ABCA13: variants seen among roughly 807,000 people sequenced by gnomAD.
ABCA13 encodes the protein ATP binding cassette subfamily A member 13, also known as ATP-binding cassette sub-family A member 13.
ABCA13 carries 476 observed loss-of-function variants against 478.7 expected under a neutral mutation model. The observed-to-expected ratio is 0.99, with a 90% CI of 0.92 to 1.07. The LOEUF is 1.07. Ranked by LOEUF, ABCA13 falls within the 50% of genes least tolerant of loss-of-function variation. The pLI, the probability that ABCA13 is intolerant of heterozygous loss-of-function variation, is 0.00. For missense variants in ABCA13, 6,060 were observed against 5,910.6 expected, an observed-to-expected ratio of 1.03 and a Z score of -0.83; for synonymous variants, 2,252 against 2,158.9, an observed-to-expected ratio of 1.04 and a Z score of -1.20.
intron 15 of ABCA13, among the ~76,000 whole-genome samples, chr7:48,257,911 T>A (rs1354009875): frequency 6.6e-6 from 1 of 152,102 alleles, no homozygotes; most frequent in Non-Finnish European, 1.5e-5. Context: ...TTTGGTAGAA[T>A]TCACCTGTTG....
intron 45 of ABCA13, among the ~76,000 whole-genome samples, chr7:48,479,162 G>A (rs1391080125): frequency 1.3e-5 from 2 of 151,906 alleles, no homozygotes; most frequent in Non-Finnish European, 2.9e-5. Context: ...GTGTTAGCCA[G>A]GATGGTCTCG....
chr7:48,490,646 A>G (rs1362655664), intron 48 of ABCA13, among the ~76,000 whole-genome samples: 1 of 152,204 alleles, frequency 6.6e-6, no homozygotes, highest in Non-Finnish European at 1.5e-5. Flanking sequence ...TAACAATTAT[A>G]GTGTATGTTC....
At chr7:48,270,638 TA>T (rs1186656700) in intron 16 of ABCA13, among the ~76,000 whole-genome samples, 1 of 152,160 alleles carries the variant, frequency 6.6e-6, no homozygotes, top group African/African-American at 2.4e-5. Context: ...CATTCTGTCC[TA>T]AAAATAACAA....
rs767353123 is a variant in ABCA13 at position 48,391,965 on chromosome 7, T to C, written c.11699T>C (p.Ile3900Thr). ...CACCCTCCCACTTCTGGAACCATCA[T>C]CATCAATGGCAAGAACCTACAGACA... Reference protein sequence around the residue: ...GLHPPTSGTIIINGKNLQTDL... With the variant: ...GLHPPTSGTITINGKNLQTDL... The change falls in exon 38 of 62, where the codon ATC becomes ACC. Residue 3900 changes from isoleucine (I) to threonine (T), a missense_variant. Physicochemically the swap from Ile to Thr is moderately conservative, Grantham distance 89. Transcript: ENST00000435803. 1 of 1,613,962 alleles carries C rather than the reference T, an allele frequency of 6.2e-7. No homozygotes were observed. The highest frequency in any genetic ancestry group is 2.2e-5 in the East Asian group (1 of 44,850).
At chr7:48,637,957 T>G (rs1244963351) in intron 59 of ABCA13, among the ~76,000 whole-genome samples, 1 of 152,164 alleles carries the variant, frequency 6.6e-6, no homozygotes, top group Non-Finnish European at 1.5e-5. Flanking sequence ...TTCTTGGAGC[T>G]CTACTGTAAC....
chr7:48,293,374 G>T (rs1798861328), intron 20 of ABCA13, among the ~76,000 whole-genome samples: 1 of 152,190 alleles, frequency 6.6e-6, no homozygotes, highest in Admixed American at 6.5e-5. Context: ...CTTTGCAAGA[G>T]AAATTGACAG....
intron 31 of ABCA13, among the ~76,000 whole-genome samples, chr7:48,364,875 T>G (rs796506601): frequency 2.6e-5 from 4 of 152,220 alleles, no homozygotes; most frequent in African/African-American, 9.6e-5. Flanking sequence ...AACATGGGAG[T>G]GCACATATCT....
chr7:48,290,247 T>A (rs1425040332), intron 20 of ABCA13, among the ~76,000 whole-genome samples: 1 of 152,204 alleles, frequency 6.6e-6, no homozygotes, highest in Non-Finnish European at 1.5e-5. Flanking sequence ...TGGGCTAAGC[T>A]GAGTTGGAGA....
At chr7:48,293,192 G>GCT (rs748200533) in intron 20 of ABCA13, among the ~76,000 whole-genome samples, 1 of 108,280 alleles carries the variant, frequency 9.2e-6, no homozygotes, top group Admixed American at 1.0e-4. Context: ...GAAGTCTTCA[G>GCT]CCCCCCCCCC....
At chr7:48,640,065 A>G (rs567776348) in intron 59 of ABCA13, among the ~76,000 whole-genome samples, 29 of 152,234 alleles carry the variant, frequency 1.9e-4, no homozygotes, top group Non-Finnish European at 3.5e-4. Context: ...ATGTGCAAAC[A>G]TACTTACATC....
chr7:48,617,560 C>T (rs1792704998), intron 59 of ABCA13, among the ~76,000 whole-genome samples: 1 of 152,088 alleles, frequency 6.6e-6, no homozygotes, highest in Non-Finnish European at 1.5e-5. Flanking sequence ...AGAAATCCCA[C>T]AGAGGGGGGA....
chr7:48,373,069 A>G (rs1200938155), intron 33 of ABCA13, among the ~76,000 whole-genome samples: 1 of 152,220 alleles, frequency 6.6e-6, no homozygotes, highest in African/African-American at 2.4e-5. Context: ...AATCAAAGCG[A>G]GGGTGAACCA....
chr7:48,305,787 A>T (rs1800814170), intron 23 of ABCA13, among the ~76,000 whole-genome samples: 1 of 152,250 alleles, frequency 6.6e-6, no homozygotes, highest in Non-Finnish European at 1.5e-5. Context: ...TAATTATCTA[A>T]GTGGCCAAGT....
intron 5 of ABCA13, among the ~76,000 whole-genome samples, chr7:48,225,867 A>G (rs1308124775): frequency 6.6e-6 from 1 of 152,144 alleles, no homozygotes; most frequent in African/African-American, 2.4e-5. Context: ...GGACTGAAGC[A>G]CTGAATTTGG....
chr7:48,329,145 G>A (rs1164822529), intron 27 of ABCA13, among the ~76,000 whole-genome samples: 1 of 152,216 alleles, frequency 6.6e-6, no homozygotes, highest in African/African-American at 2.4e-5. Flanking sequence ...AACGTGGATA[G>A]TATGAGTGAA....
At chr7:48,601,684 T>G (rs183770094) in intron 58 of ABCA13, among the ~76,000 whole-genome samples, 97 of 152,352 alleles carry the variant, frequency 6.4e-4, no homozygotes, top group African/African-American at 2.3e-3. Context: ...AGTAAACATA[T>G]GTGTGCATGT....
At chr7:48,482,427 G>A (rs10253754) in intron 46 of ABCA13, among the ~76,000 whole-genome samples, 2,492 of 152,052 alleles carry the variant, frequency 0.016, 20 homozygotes, top group Non-Finnish European at 0.024. Context: ...TGTTGCCTAG[G>A]CTGGAGTGCA....
At chr7:48,623,691 A>G (rs908310272) in intron 59 of ABCA13, among the ~76,000 whole-genome samples, 1 of 152,200 alleles carries the variant, frequency 6.6e-6, no homozygotes, top group Admixed American at 6.5e-5. Context: ...AAAAGAGCAC[A>G]TGCCAACTGT....
intron 27 of ABCA13, among the ~76,000 whole-genome samples, chr7:48,318,891 T>C (rs1802978708): frequency 6.6e-6 from 1 of 152,224 alleles, no homozygotes; most frequent in Middle Eastern, 3.2e-3. Context: ...TATATGACTA[T>C]AGCATTGCAT....
Sources: allele counts gnomAD v4.1 joint callset (sites outside exome capture counted in the v4.1 genomes callset), GRCh38; gene constraint gnomAD v4.1.1; transcripts MANE v1.5; gene names NCBI Gene and HGNC (gene_info 2026-07-23, HGNC 2026-07-21).